ST6GAL1: variants seen among roughly 807,000 people sequenced by gnomAD.
The protein encoded by ST6GAL1 is beta-galactoside alpha-2,6-sialyltransferase 1.
A neutral mutation model predicts 38.0 loss-of-function variants in ST6GAL1; 20 were observed. The observed-to-expected ratio is 0.53, with a 90% confidence interval of 0.37 to 0.77. The LOEUF is 0.77. Ranked by LOEUF, ST6GAL1 falls within the 30% of genes least tolerant of loss-of-function variation. The pLI is 0.00. For synonymous variants in ST6GAL1, 196 were observed against 188.2 expected (o/e 1.04, Z -0.34); for missense variants, 432 against 496.4 (o/e 0.87, Z 1.23).
intron 2 of ST6GAL1, among the ~76,000 whole-genome samples, chr3:187,021,282 T>A (rs149441256): frequency 6.6e-6 from 1 of 152,196 alleles, no homozygotes; most frequent in African/African-American, 2.4e-5. Context: ...TTTCCATGCA[T>A]GTTTCCTGGC....
chr3:187,071,790 A>AAAAAAG (rs1560185927), intron 5 of ST6GAL1, among the ~76,000 whole-genome samples: 3 of 149,648 alleles, frequency 2.0e-5, no homozygotes, highest in African/African-American at 7.4e-5. Flanking sequence ...AAAAAAAAAA[A>AAAAAAG]AAAAAGAAAA....
At chr3:187,000,926 A>G (rs1716596375) in intron 2 of ST6GAL1, among the ~76,000 whole-genome samples, 1 of 152,254 alleles carries the variant, frequency 6.6e-6, no homozygotes. Context: ...TGGAGTAGAA[A>G]TGGGCCATGC....
intron 2 of ST6GAL1, among the ~76,000 whole-genome samples, chr3:187,033,590 T>TTA (rs1717829162): frequency 1.3e-5 from 2 of 151,978 alleles, no homozygotes; most frequent in Admixed American, 6.5e-5. Context: ...TTTTTTCATT[T>TTA]TAAGATTTTA....
At chr3:187,048,385 C>T (rs1166221536) in intron 4 of ST6GAL1, among the ~76,000 whole-genome samples, 1 of 152,120 alleles carries the variant, frequency 6.6e-6, no homozygotes, top group African/African-American at 2.4e-5. Flanking sequence ...AGTCCCTGCC[C>T]TCATTGTGGT....
chr3:186,959,221 C>T (rs977579834), intron 1 of ST6GAL1, among the ~76,000 whole-genome samples: 1 of 152,140 alleles, frequency 6.6e-6, no homozygotes, highest in African/African-American at 2.4e-5. Flanking sequence ...CTCTTTTTGT[C>T]AGAGCTCACC....
At chr3:186,943,493 A>G (rs1344791489) in intron 1 of ST6GAL1, among the ~76,000 whole-genome samples, 1 of 152,126 alleles carries the variant, frequency 6.6e-6, no homozygotes, top group Non-Finnish European at 1.5e-5. Flanking sequence ...GCTCTTGCTC[A>G]GGCTGGAGTG....
At chr3:186,967,166 C>T (rs1273875217) in intron 2 of ST6GAL1, among the ~76,000 whole-genome samples, 1 of 152,184 alleles carries the variant, frequency 6.6e-6, no homozygotes, top group Non-Finnish European at 1.5e-5. Context: ...TCCAGGGTTT[C>T]CAGACTCCTG....
intron 2 of ST6GAL1, among the ~76,000 whole-genome samples, chr3:187,031,204 G>T (rs1717737213): frequency 6.6e-6 from 1 of 152,222 alleles, no homozygotes; most frequent in South Asian, 2.1e-4. Context: ...GGTGTTGGAA[G>T]CTGAGTGGGC....
At chr3:187,058,923 G>C (rs1002337597) in intron 5 of ST6GAL1, among the ~76,000 whole-genome samples, 11 of 152,232 alleles carry the variant, frequency 7.2e-5, no homozygotes, top group African/African-American at 2.4e-4. Flanking sequence ...TTACAGGCGT[G>C]AGCCATCGTG....
intron 1 of ST6GAL1, among the ~76,000 whole-genome samples, chr3:186,938,015 A>G (rs1714026171): frequency 6.6e-6 from 1 of 152,218 alleles, no homozygotes; most frequent in African/African-American, 2.4e-5. Flanking sequence ...CGGAGGTTGC[A>G]GTGAGCTGAG....
intron 4 of ST6GAL1, among the ~76,000 whole-genome samples, chr3:187,050,119 T>C (rs1192451548): frequency 6.6e-6 from 1 of 152,224 alleles, no homozygotes; most frequent in Non-Finnish European, 1.5e-5. Flanking sequence ...TCATCCTTAA[T>C]TCTGTGGATA....
intron 5 of ST6GAL1, among the ~76,000 whole-genome samples, chr3:187,061,748 C>G (rs1402808363): frequency 6.6e-6 from 1 of 151,944 alleles, no homozygotes; most frequent in Non-Finnish European, 1.5e-5. Flanking sequence ...AAATGTAGAC[C>G]AAAAACTATA....
At chr3:186,941,718 A>G (rs1714182160) in intron 1 of ST6GAL1, among the ~76,000 whole-genome samples, 2 of 152,120 alleles carry the variant, frequency 1.3e-5, no homozygotes, top group Admixed American at 6.6e-5. Context: ...GATCCAAGCA[A>G]AAGTTGCAAG....
intron 1 of ST6GAL1, among the ~76,000 whole-genome samples, chr3:186,943,757 A>G (rs1205905288): frequency 2.0e-5 from 3 of 152,182 alleles, no homozygotes; most frequent in Non-Finnish European, 4.4e-5. Context: ...CTATTATCTC[A>G]GATTAATAGG....
chr3:187,023,343 C>T (rs3872723), intron 2 of ST6GAL1, among the ~76,000 whole-genome samples: 56,911 of 151,848 alleles, frequency 0.37, 10,856 homozygotes, highest in East Asian at 0.48. Flanking sequence ...TGTTGTTTGA[C>T]TCTTTATTTA....
In ST6GAL1 at chr3:187,066,597, C is replaced by CGTGTGT. The variant is rs374550671; in HGVS notation, c.706-6249_706-6248insTGTGTG. On this transcript the variant is annotated intron_variant, in intron 5 of 7. Coordinates refer to ENST00000169298, the MANE Select transcript of ST6GAL1 (RefSeq NM_173216.2). Reference sequence around the variant, plus strand: ...GTGGTAATATCTGAAGATGTGCGTGCGTGCGTGTGTGTGTGTGTGTGTGTG... The same window carrying CGTGTGT: ...GTGGTAATATCTGAAGATGTGCGTGCGTGTGTGTGCGTGTGTGTGTGTGTGTGTGTG... Among the ~76,000 whole-genome samples the CGTGTGT allele has an allele frequency of 2.4e-3, 285 of 117,036 alleles. 2 individuals carry two copies. Among genetic ancestry groups the CGTGTGT allele is most frequent in the South Asian group, 0.011 (35 of 3,332 alleles). The allele number at this position is 117,036 out of a possible 152,430, so 76.8% of individuals were successfully genotyped here.
At chr3:187,005,517 T>C (rs1465052479) in intron 2 of ST6GAL1, among the ~76,000 whole-genome samples, 7 of 152,060 alleles carry the variant, frequency 4.6e-5, no homozygotes, top group Admixed American at 3.3e-4. Context: ...CCTCGTGATC[T>C]GCCCGCCTCG....
chr3:186,945,425 A>G (rs948886584), intron 1 of ST6GAL1, among the ~76,000 whole-genome samples: 1 of 152,198 alleles, frequency 6.6e-6, no homozygotes, highest in Non-Finnish European at 1.5e-5. Context: ...CACACTTGCA[A>G]GAATTTAGGG....
At position 186,997,250 on chromosome 3, in the gene ST6GAL1, C is replaced by G. The variant is rs562536318; in HGVS notation, c.-183+33324C>G. ...TATCAAGCACTGTCATACGTGTTAT[C>G]TCATGCAATGACCAGGGTGTCACCC... On this transcript the variant is annotated intron_variant, in intron 2 of 7. Transcript: ENST00000169298. Among the ~76,000 whole-genome samples the G allele has an allele frequency of 3.3e-5, 5 of 152,268 alleles. No homozygotes were observed. In the East Asian group the frequency reaches 9.7e-4, roughly 29 times the overall value.
Sources: gnomAD v4.1 joint callset for allele counts (sites outside exome capture counted in the v4.1 genomes callset) on GRCh38, gnomAD v4.1.1 for gene constraint, MANE v1.5 for transcripts, NCBI Gene and HGNC (gene_info 2026-07-23, HGNC 2026-07-21) for gene names.